The following ZNF521 variants were observed in gnomAD, a reference collection of about 807,000 sequenced individuals.
ZNF521 encodes the protein zinc finger protein 521.
A neutral mutation model predicts 105.5 loss-of-function variants in ZNF521; 14 were observed. That is an observed-to-expected ratio of 0.13 (90% CI 0.09 to 0.21). The LOEUF (loss-of-function observed/expected upper bound fraction) is 0.21. Ranked by LOEUF, ZNF521 falls within the 10% of genes least tolerant of loss-of-function variation. ZNF521 has a pLI of 1.00. For missense variants in ZNF521, 1,233 were observed against 1,629.7 expected (o/e 0.76, Z 4.19); for synonymous variants, 635 against 606.0 (o/e 1.05, Z -0.70).
intron 4 of ZNF521, among the ~76,000 whole-genome samples, chr18:25,209,746 CTTTCT>C (rs972356143): frequency 2.0e-5 from 3 of 152,064 alleles, no homozygotes; most frequent in African/African-American, 4.8e-5. Context: ...AGCATTTTTC[CTTTCT>C]TAACTGTGAT....
chr18:25,213,481 T>A (rs1182661799), intron 4 of ZNF521, among the ~76,000 whole-genome samples: 2 of 152,014 alleles, frequency 1.3e-5, no homozygotes, highest in Non-Finnish European at 1.5e-5. Context: ...CCACCTTGCA[T>A]TCTTGTGATA....
chr18:25,158,955 T>TA (rs576679986), intron 5 of ZNF521, among the ~76,000 whole-genome samples: 117 of 136,552 alleles, frequency 8.6e-4, no homozygotes, highest in East Asian at 3.3e-3. Flanking sequence ...GACTCCATCT[T>TA]AAAAAAAAAA....
chr18:25,310,822 TGAAAC>T (rs1371150119), intron 3 of ZNF521, among the ~76,000 whole-genome samples: 1 of 152,198 alleles, frequency 6.6e-6, no homozygotes, highest in African/African-American at 2.4e-5. Context: ...ATAATTATAT[TGAAAC>T]GAATGTTTCC....
intron 5 of ZNF521, among the ~76,000 whole-genome samples, chr18:25,176,516 C>A (rs1203342443): frequency 1.3e-5 from 2 of 152,180 alleles, no homozygotes; most frequent in African/African-American, 4.8e-5. Flanking sequence ...ATCATCTAGC[C>A]TCTAATATCA....
chr18:25,160,319 C>G (rs2035227337), intron 5 of ZNF521, among the ~76,000 whole-genome samples: 1 of 152,184 alleles, frequency 6.6e-6, no homozygotes, highest in African/African-American at 2.4e-5. Flanking sequence ...TAGATATGTT[C>G]CCTGGTGAAC....
chr18:25,338,257 TTTTG>T (rs1914000265), intron 2 of ZNF521, among the ~76,000 whole-genome samples: 1 of 32,984 alleles, frequency 3.0e-5, no homozygotes, highest in African/African-American at 1.0e-4. Flanking sequence ...TCTCATAGAC[TTTTG>T]TGTGTGTGTG....
chr18:25,289,463 T>C (rs921935198), intron 3 of ZNF521, among the ~76,000 whole-genome samples: 6 of 152,228 alleles, frequency 3.9e-5, no homozygotes, highest in African/African-American at 1.4e-4. Flanking sequence ...AAGTCGGCTC[T>C]GTTTTTATTG....
At chr18:25,087,611 C>G (rs8096570) in intron 7 of ZNF521, among the ~76,000 whole-genome samples, 79,201 of 152,068 alleles carry the variant, frequency 0.52, 20,817 homozygotes, top group Middle Eastern at 0.59. Context: ...TTGGCCATAT[C>G]CTTTATAGAT....
At chr18:25,192,199 T>C (rs1312762442) in intron 5 of ZNF521, among the ~76,000 whole-genome samples, 1 of 152,160 alleles carries the variant, frequency 6.6e-6, no homozygotes, top group Non-Finnish European at 1.5e-5. Context: ...GAGGTTTTCT[T>C]TTTTTCCTTA....
intron 3 of ZNF521, among the ~76,000 whole-genome samples, chr18:25,236,262 G>A (rs1417477076): frequency 6.6e-6 from 1 of 152,194 alleles, no homozygotes; most frequent in African/African-American, 2.4e-5. Flanking sequence ...GGGGCTGGGC[G>A]CGGTGGCTCA....
At chr18:25,296,719 G>A (rs956946153) in intron 3 of ZNF521, among the ~76,000 whole-genome samples, 1 of 152,132 alleles carries the variant, frequency 6.6e-6, no homozygotes, top group Non-Finnish European at 1.5e-5. Flanking sequence ...CATGAAGGAG[G>A]CCTTCCTGGA....
intron 2 of ZNF521, among the ~76,000 whole-genome samples, chr18:25,329,606 C>T (rs1420118656): frequency 1.3e-5 from 2 of 152,052 alleles, no homozygotes; most frequent in Non-Finnish European, 2.9e-5. Flanking sequence ...AAAATGGGGG[C>T]GAGGGAGGGA....
intron 2 of ZNF521, among the ~76,000 whole-genome samples, chr18:25,347,037 G>C (rs1398372332): frequency 6.6e-6 from 1 of 152,134 alleles, no homozygotes; most frequent in East Asian, 1.9e-4. Flanking sequence ...AAATGGCCGA[G>C]AAACTTCCAT....
chr18:25,328,261 T>C (rs1350335044), intron 2 of ZNF521, among the ~76,000 whole-genome samples: 1 of 152,184 alleles, frequency 6.6e-6, no homozygotes, highest in African/African-American at 2.4e-5. Context: ...TCTATCACGG[T>C]CCTTGAAGAC....
chr18:25,345,280 A>T (rs1257128443), intron 2 of ZNF521: 1 of 152,240 alleles, frequency 6.6e-6, no homozygotes, highest in Non-Finnish European at 1.5e-5. Flanking sequence ...AAATTCTGTC[A>T]TCACTGTTAG....
At chr18:25,259,194 CAG>C (rs1415219848) in intron 3 of ZNF521, among the ~76,000 whole-genome samples, 8 of 152,116 alleles carry the variant, frequency 5.3e-5, no homozygotes. Flanking sequence ...TCTTTTTACC[CAG>C]CGTAGGTACC....
chr18:25,082,204 G>C (rs1179675858), intron 7 of ZNF521, among the ~76,000 whole-genome samples: 1 of 152,152 alleles, frequency 6.6e-6, no homozygotes, highest in Non-Finnish European at 1.5e-5. Flanking sequence ...AGAACCACGT[G>C]CTCATTTGAC....
intron 5 of ZNF521, among the ~76,000 whole-genome samples, chr18:25,152,074 T>C (rs1338530336): frequency 6.6e-6 from 1 of 152,226 alleles, no homozygotes; most frequent in Non-Finnish European, 1.5e-5. Flanking sequence ...ACCGTTTTTA[T>C]GAACCCTCAC....
At chr18:25,087,173 T>C (rs1269455156) in intron 7 of ZNF521, among the ~76,000 whole-genome samples, 1 of 152,182 alleles carries the variant, frequency 6.6e-6, no homozygotes, top group Non-Finnish European at 1.5e-5. Context: ...AAGCCTTTTG[T>C]GGTCCTCAAT....
Sources: gnomAD v4.1 joint callset for allele counts (sites outside exome capture counted in the v4.1 genomes callset) on GRCh38, gnomAD v4.1.1 for gene constraint, MANE v1.5 for transcripts, NCBI Gene and HGNC (gene_info 2026-07-23, HGNC 2026-07-21) for gene names.